Variants in SYN2 observed in about 807,000 individuals in gnomAD.
SYN2 encodes the protein synapsin II, also known as synapsin-2.
A neutral mutation model predicts 50.9 loss-of-function variants in SYN2; 19 were observed. That is an observed-to-expected ratio of 0.37 (90% CI 0.26 to 0.55). The LOEUF is 0.55. Ranked by LOEUF, SYN2 falls within the 20% of genes least tolerant of loss-of-function variation. The probability of loss-of-function intolerance (pLI) is 0.81; values close to 1 mark genes in which losing one functional copy is unlikely to be tolerated. For synonymous variants in SYN2, 255 were observed against 224.9 expected (o/e 1.13, Z -1.20); for missense variants, 587 against 576.4 (o/e 1.02, Z -0.19).
intron 1 of SYN2, among the ~76,000 whole-genome samples, chr3:12,038,329 G>A (rs953694141): frequency 9.9e-5 from 15 of 151,972 alleles, no homozygotes; most frequent in African/African-American, 3.4e-4. Context: ...TAGCTTTGTA[G>A]CAAGTTTTGA....
At chr3:12,181,819 A>C (rs1176502812) in intron 10 of SYN2, among the ~76,000 whole-genome samples, 3 of 152,192 alleles carry the variant, frequency 2.0e-5, no homozygotes, top group Non-Finnish European at 4.4e-5. Flanking sequence ...CAGGAGGGAA[A>C]AGTGGAGGAG....
intron 1 of SYN2, among the ~76,000 whole-genome samples, chr3:12,132,322 CAA>C (rs1029858825): frequency 2.0e-5 from 3 of 152,166 alleles, no homozygotes; most frequent in Non-Finnish European, 4.4e-5. Context: ...ACTTGATCAT[CAA>C]AAGAGTTGGA....
intron 1 of SYN2, among the ~76,000 whole-genome samples, chr3:12,043,192 T>G (rs1694659825): frequency 6.6e-6 from 1 of 152,024 alleles, no homozygotes; most frequent in African/African-American, 2.4e-5. Flanking sequence ...CCAGCTAATT[T>G]TTAAAAAATT....
intron 1 of SYN2, among the ~76,000 whole-genome samples, chr3:12,094,363 T>TA (rs1390369153): frequency 6.6e-6 from 1 of 152,148 alleles, no homozygotes; most frequent in African/African-American, 2.4e-5. Flanking sequence ...ATTGAATTCA[T>TA]ACCCTTTACT....
intron 1 of SYN2, among the ~76,000 whole-genome samples, chr3:12,102,839 G>C (rs1384985630): frequency 6.6e-6 from 1 of 152,050 alleles, no homozygotes; most frequent in African/African-American, 2.4e-5. Flanking sequence ...TTTGTTACTG[G>C]ATCATAACAG....
intron 1 of SYN2, among the ~76,000 whole-genome samples, chr3:12,038,197 A>G (rs1344898796): frequency 6.6e-6 from 1 of 152,196 alleles, no homozygotes; most frequent in Non-Finnish European, 1.5e-5. Flanking sequence ...ACCCTTGTCA[A>G]AATCAACTCA....
chr3:12,145,970 G>A, intron 4 of SYN2, 135 bp downstream of exon 4: 3 of 1,273,258 alleles, frequency 2.4e-6, no homozygotes, highest in Non-Finnish European at 3.3e-6. Flanking sequence ...CCCTAGGAGG[G>A]TCCTCAAGAT....
rs1166586551 is a variant in SYN2 at position 12,187,430 on chromosome 3, C to G, written c.1431C>G (p.Leu477=). The change falls in exon 12 of 13, where the codon CTC becomes CTG. Residue 477 remains leucine, a synonymous_variant. Transcript: ENST00000621198. ...GCAAGGTGCTGCCTCCACGCCGGCT[C>G]CCCCCTGGACCATCACTGCCACCTT... ...PPGKVLPPRR[L]PPGPSLPPSS... is the part of the protein sequence containing the mutation. 6.4e-7 allele frequency: 1 copy of G among 1,552,042 alleles called. No homozygotes were observed. Among genetic ancestry groups the G allele is most frequent in the African/African-American group, 1.4e-5 (1 of 73,198 alleles).
intron 1 of SYN2, among the ~76,000 whole-genome samples, chr3:12,087,759 A>G (rs1695737101): frequency 6.6e-6 from 1 of 152,076 alleles, no homozygotes; most frequent in Non-Finnish European, 1.5e-5. Context: ...TCTCAGAAAA[A>G]TCCCAAAAAG....
At position 12,022,077 on chromosome 3, in the gene SYN2, C is replaced by CAAA. The variant is rs76652649; in HGVS notation, c.377+17163_377+17165dup. On this transcript the variant is annotated intron_variant, in intron 1 of 12. Transcript: ENST00000621198. ...AGAGTAAGATTGCAAGGCTCTGTGT[C>CAAA]AAAAAAAAAAAAAAAAGAGGTTCTT... Among the ~76,000 whole-genome samples the CAAA allele has an allele frequency of 4.1e-5, 5 of 122,590 alleles. No homozygotes were observed. The South Asian group carries it at 1.0e-3, about 25-fold the overall frequency. 80.4% of individuals were successfully genotyped at this position (122,590 alleles called of 152,430 possible). A position where few individuals can be genotyped will look rare whatever the true frequency, so the allele number is the denominator to read the frequency against.
chr3:12,115,901 G>A (rs1156297085), intron 1 of SYN2, among the ~76,000 whole-genome samples: 1 of 152,160 alleles, frequency 6.6e-6, no homozygotes, highest in Non-Finnish European at 1.5e-5. Context: ...TCCTAGTACA[G>A]CACCTCCTAG....
intron 1 of SYN2, among the ~76,000 whole-genome samples, chr3:12,034,109 C>T (rs1300887973): frequency 3.3e-5 from 5 of 152,236 alleles, no homozygotes; most frequent in African/African-American, 9.6e-5. Context: ...TACTGCCAGA[C>T]TGTTTTCCAA....
intron 1 of SYN2, among the ~76,000 whole-genome samples, chr3:12,108,385 C>T (rs1252242816): frequency 6.6e-6 from 1 of 152,114 alleles, no homozygotes; most frequent in Non-Finnish European, 1.5e-5. Context: ...CACTTCTGTG[C>T]TTTTCTCACT....
At chr3:12,050,120 C>T (rs573864277) in intron 1 of SYN2, among the ~76,000 whole-genome samples, 3 of 151,958 alleles carry the variant, frequency 2.0e-5, no homozygotes, top group East Asian at 1.9e-4. Flanking sequence ...AGGCTGGTCT[C>T]GAACTCATGA....
chr3:12,125,651 G>A (rs1696653090), intron 1 of SYN2, among the ~76,000 whole-genome samples: 1 of 152,068 alleles, frequency 6.6e-6, no homozygotes, highest in Non-Finnish European at 1.5e-5. Context: ...ATCATAGGAG[G>A]AATGTTTGAG....
At chr3:12,166,184 C>T (rs1008419018) in intron 7 of SYN2, among the ~76,000 whole-genome samples, 1 of 152,138 alleles carries the variant, frequency 6.6e-6, no homozygotes, top group Non-Finnish European at 1.5e-5. Context: ...TGTCTGAAAT[C>T]AGATCTCTGG....
intron 1 of SYN2, among the ~76,000 whole-genome samples, chr3:12,069,071 C>T (rs1438482799): frequency 6.6e-6 from 1 of 152,170 alleles, no homozygotes; most frequent in African/African-American, 2.4e-5. Flanking sequence ...TTTTCAAGGT[C>T]CATCCATGTT....
chr3:12,111,992 G>A (rs1161230804), intron 1 of SYN2, among the ~76,000 whole-genome samples: 2 of 152,190 alleles, frequency 1.3e-5, no homozygotes, highest in African/African-American at 2.4e-5. Flanking sequence ...GCAACTTTCA[G>A]AAACTTCTTA....
chr3:12,030,217 A>G (rs1316397624), intron 1 of SYN2, among the ~76,000 whole-genome samples: 1 of 120,320 alleles, frequency 8.3e-6, no homozygotes, highest in Non-Finnish European at 1.8e-5. Flanking sequence ...CTCGCATCCC[A>G]GGGATGAAGC....
Sources: allele counts gnomAD v4.1 joint callset (sites outside exome capture counted in the v4.1 genomes callset), GRCh38; gene constraint gnomAD v4.1.1; transcripts MANE v1.5; gene names NCBI Gene and HGNC (gene_info 2026-07-23, HGNC 2026-07-21).